SH3BP2: variants seen among roughly 807,000 people sequenced by gnomAD.
SH3BP2 encodes SH3 domain-binding protein 2.
SH3BP2 carries 38 observed loss-of-function variants against 56.2 expected under a neutral mutation model. That is an observed-to-expected ratio of 0.68 (90% CI 0.52 to 0.89). The LOEUF (loss-of-function observed/expected upper bound fraction) is 0.89, where lower values mean the gene tolerates loss of function less well. SH3BP2 is among the 40% of genes least tolerant of loss of function. SH3BP2 has a pLI of 0.00. For synonymous variants in SH3BP2, 346 were observed against 316.7 expected (o/e 1.09, Z -0.98); for missense variants, 748 against 762.6 (o/e 0.98, Z 0.23).
rs777011045 is a variant in SH3BP2, at chr4:2,836,050, C to T, written c.*2216C>T. 3 of 152,340 alleles carry T rather than the reference C, an allele frequency of 2.0e-5. No homozygotes were observed. The highest frequency in any genetic ancestry group is 4.4e-5 in the Non-Finnish European group (3 of 68,058). The allele number at this position is 152,340 out of a possible 1,614,324, so 9.4% of individuals were successfully genotyped here. The stretch of plus-strand genomic sequence containing the variant: ...CTTTGCTTTATGTCACTTACACGGT[C>T]ACCTGGAGCCGGCTCAAGTGGCTAA... On this transcript the variant is annotated 3_prime_UTR_variant, in exon 13 of 13. Transcript: ENST00000503393.
Position 2,832,408 on chromosome 4 carries a change from G to T in SH3BP2, c.1484G>T (p.Gly495Val). 1 of 1,613,886 alleles carries T rather than the reference G, an allele frequency of 6.2e-7. No individual in the cohort carries two copies. Among genetic ancestry groups the T allele is most frequent in the Non-Finnish European group, 8.5e-7 (1 of 1,179,802 alleles). The change falls in exon 11 of 13, where the codon GGG becomes GTG. Residue 495 changes from glycine to valine, a missense_variant. Gly to Val is a moderately radical substitution (Grantham distance 109). Around this residue, in one of 3 missense-constraint regions of SH3BP2, gnomAD observed 635 missense variants for 615.0 expected, o/e 1.03. Coordinates refer to ENST00000503393, the MANE Select transcript of SH3BP2 (RefSeq NM_001122681.2). Reference sequence around the variant, plus strand: ...ATCCGGAACTCCTCTACCAAGTCGGGGAAGGTAGGCGCCAGGGGAAGATGC... The same window carrying T: ...ATCCGGAACTCCTCTACCAAGTCGGTGAAGGTAGGCGCCAGGGGAAGATGC... ...YCIRNSSTKS[G>V]KVLVVWDETS... is the part of the protein sequence containing the mutation.
intron 5 of SH3BP2, 182 bp from the exon 6 acceptor site, chr4:2,827,043 GTATCC>G: frequency 1.5e-6 from 1 of 689,050 alleles, no homozygotes; most frequent in East Asian, 2.7e-5. Flanking sequence ...GTCTGTCAGC[GTATCC>G]GTGTGTGCAT....
At chr4:2,819,714 C>T (rs141968904) in intron 1 of SH3BP2, among the ~76,000 whole-genome samples, 12 of 133,980 alleles carry the variant, frequency 9.0e-5, no homozygotes, top group Middle Eastern at 4.0e-3. Context: ...AATGAGGGTG[C>T]CTAGCAGAAG....
In SH3BP2 at chr4:2,800,549, GCC is replaced by G. The variant is rs34241051; in HGVS notation, c.-5+7420_-5+7421del. 5.9e-4 allele frequency among the ~76,000 whole-genome samples: 87 copies of G among 148,478 alleles called. 1 individual carries two copies. Among genetic ancestry groups the G allele is most frequent in the South Asian group, 2.2e-4 (1 of 4,582 alleles). ...ACGTGGAGGTGCTTGTCCTGTGACCGCCCCCCCCCCGGGCTGATGACGGGCCA... is the reference window on the plus strand; with the variant it reads ...ACGTGGAGGTGCTTGTCCTGTGACCGCCCCCCCCGGGCTGATGACGGGCCA... On this transcript the variant is annotated intron_variant, in intron 1 of 12. Coordinates refer to ENST00000503393, the MANE Select transcript of SH3BP2 (RefSeq NM_001122681.2).
At position 2,838,192 on chromosome 4, in the gene SH3BP2, A is replaced by G. The variant is rs1280104262; in HGVS notation, c.*4358A>G. The stretch of plus-strand genomic sequence containing the variant: ...TGCACAACCTAACACACTGTTAGGA[A>G]GTGAACGATCTGCAACCACCATCAG... On this transcript the variant is annotated 3_prime_UTR_variant, in exon 13 of 13. Transcript: ENST00000503393. 6.6e-6 allele frequency: 1 copy of G among 152,278 alleles called. No individual in the cohort carries two copies. Among genetic ancestry groups the G allele is most frequent in the Non-Finnish European group, 1.5e-5 (1 of 68,064 alleles). 9.4% of individuals were successfully genotyped at this position (152,278 alleles called of 1,614,324 possible). A position where few individuals can be genotyped will look rare whatever the true frequency, so the allele number is the denominator to read the frequency against.
intron 1 of SH3BP2, among the ~76,000 whole-genome samples, chr4:2,795,506 G>A (rs945061401): frequency 3.3e-5 from 5 of 152,332 alleles, no homozygotes; most frequent in South Asian, 2.1e-4. Flanking sequence ...TTTAATAACC[G>A]GGTGGCTTGG....
intron 1 of SH3BP2, among the ~76,000 whole-genome samples, chr4:2,813,395 G>A (rs1163474263): frequency 6.6e-6 from 1 of 152,196 alleles, no homozygotes; most frequent in Non-Finnish European, 1.5e-5. Flanking sequence ...GGATGATGGG[G>A]CGATCACTGA....
At position 2,830,040 on chromosome 4, in the gene SH3BP2, GC is replaced by G. The variant is rs759199606; in HGVS notation, c.1140del (p.Val381TrpfsTer8). 1.2e-6 allele frequency: 2 copies of G among 1,612,498 alleles called. No homozygotes were observed. The highest frequency in any genetic ancestry group is 8.5e-7 in the Non-Finnish European group (1 of 1,179,830). Reference protein sequence around the residue: ...REAAMPGLFVPPVAPRPPALK... With the variant: ...REAAMPGLFVXPVAPRPPALK... ...AGGCAGCCATGCCCGGACTCTTTGT[GC>G]CCCCCGTGGCTCCCCGGCCTCCTGC... On this transcript the variant is annotated frameshift_variant, in exon 8 of 13. Transcript: ENST00000503393. LOFTEE classifies it high-confidence loss of function.
intron 1 of SH3BP2, among the ~76,000 whole-genome samples, chr4:2,803,210 C>T (rs1383005214): frequency 6.6e-6 from 1 of 152,188 alleles, no homozygotes; most frequent in African/African-American, 2.4e-5. Flanking sequence ...ACACAGGGTG[C>T]CCATCGTGGT....
At chr4:2,823,105 A>C in intron 3 of SH3BP2, 68 bp downstream of exon 3, 2 of 1,141,376 alleles carry the variant, frequency 1.8e-6, no homozygotes, top group Non-Finnish European at 2.6e-6. Context: ...GCAGAGCCCC[A>C]GCTGGGCCTG....
In SH3BP2 at chr4:2,822,925, C is replaced by T. The variant is rs1297761226; in HGVS notation, c.137-10C>T. On this transcript the variant is annotated splice_polypyrimidine_tract_variant and intron_variant, in intron 2 of 12. Transcript: ENST00000503393. ...CAGGCTCACCTTCCTGCCCTTGCCACCTCCCACAGGGCCCCTGCGCTTTGT... is the reference window on the plus strand; with the variant it reads ...CAGGCTCACCTTCCTGCCCTTGCCATCTCCCACAGGGCCCCTGCGCTTTGT... 2 of 1,611,546 alleles carry T rather than the reference C, an allele frequency of 1.2e-6. No individual in the cohort carries two copies. The highest frequency in any genetic ancestry group is 8.5e-7 in the Non-Finnish European group (1 of 1,178,040).
At chr4:2,804,994 G>T (rs1723471965) in intron 1 of SH3BP2, among the ~76,000 whole-genome samples, 1 of 152,202 alleles carries the variant, frequency 6.6e-6, no homozygotes, top group African/African-American at 2.4e-5. Flanking sequence ...TTCCTTGGGG[G>T]CTCCCTGCCC....
rs1725208147 is a variant in SH3BP2, at chr4:2,835,735, C to G, written c.*1901C>G. On this transcript the variant is annotated 3_prime_UTR_variant, in exon 13 of 13. Coordinates refer to ENST00000503393, the MANE Select transcript of SH3BP2 (RefSeq NM_001122681.2). ...CGCCTCTCTAGTTCAAGCGATTTTC[C>G]TGCCTCAGCCTCCCGAGTAGCTGGG... 6.6e-6 allele frequency: 1 copy of G among 152,272 alleles called. No homozygotes were observed. The allele number at this position is 152,272 out of a possible 1,614,324, so 9.4% of individuals were successfully genotyped here.
chr4:2,834,452 G>C lies in SH3BP2; in HGVS notation c.*618G>C, dbSNP rs886059361. On this transcript the variant is annotated 3_prime_UTR_variant, in exon 13 of 13. Transcript: ENST00000503393. ...GAGTGACTTCCCCAGGGTGCACAGC[G>C]AGTAACAGATCAGGACCCAAACTTG... 1 of 152,966 alleles carries C rather than the reference G, an allele frequency of 6.5e-6. No individual in the cohort carries two copies. Among genetic ancestry groups the C allele is most frequent in the Admixed American group, 6.5e-5 (1 of 15,318 alleles). The allele number at this position is 152,966 out of a possible 1,614,324, so 9.5% of individuals were successfully genotyped here.
chr4:2,826,242 C>CGTGTGTGTGCATGTCCGCGTGTTGCTCT (rs1724609342), intron 5 of SH3BP2: 1 of 128,550 alleles, frequency 7.8e-6, no homozygotes, highest in Non-Finnish European at 1.7e-5. Flanking sequence ...CGTGTTGCTC[C>CGTGTGTGTGCATGTCCGCGTGTTGCTCT]GTGTGTGTGC....
chr4:2,832,843 G>A (rs886375235), intron 11 of SH3BP2, 147 bp from the exon 12 acceptor site: 15 of 786,400 alleles, frequency 1.9e-5, no homozygotes, highest in Non-Finnish European at 2.2e-6. Flanking sequence ...CTGTCCTTGT[G>A]CAGGTGGTCT....
intron 1 of SH3BP2, among the ~76,000 whole-genome samples, chr4:2,801,429 C>G (rs13146103): frequency 0.16 from 24,835 of 152,256 alleles, 2,159 homozygotes; most frequent in African/African-American, 0.21. Flanking sequence ...CCCACTCCTT[C>G]TTCCTTCTTT....
intron 11 of SH3BP2, 123 bp from the exon 12 acceptor site, chr4:2,832,867 G>GC (rs531262954): frequency 3.8e-4 from 369 of 970,246 alleles, no homozygotes; most frequent in African/African-American, 2.3e-4. Flanking sequence ...GTCCCTCCCC[G>GC]CCCCCCGAGG....
At chr4:2,833,323 G>A in intron 12 of SH3BP2, 2 of 583,896 alleles carry the variant, frequency 3.4e-6, no homozygotes, top group Non-Finnish European at 6.1e-6. Flanking sequence ...CTTTTTGCGG[G>A]GACAGGGGTC....
Sources: allele counts gnomAD v4.1 joint callset (sites outside exome capture counted in the v4.1 genomes callset), GRCh38; gene constraint gnomAD v4.1.1; regional missense constraint gnomAD v4.1.1; transcripts MANE v1.5; gene names NCBI Gene and HGNC (gene_info 2026-07-23, HGNC 2026-07-21).